The following CAMKMT variants were observed in gnomAD, a reference collection of about 807,000 sequenced individuals.
CAMKMT encodes the protein CaM KMT.
A neutral mutation model predicts 48.0 loss-of-function variants in CAMKMT; 53 were observed. That is an observed-to-expected ratio of 1.10 (90% CI 0.89 to 1.39). The LOEUF is 1.39. Among genes scored for constraint, CAMKMT ranks in the 40% most tolerant of loss-of-function variants. The pLI is 0.00. For synonymous variants in CAMKMT, 165 were observed against 152.3 expected, an observed-to-expected ratio of 1.08 and a Z score of -0.61; for missense variants, 428 against 402.7, an observed-to-expected ratio of 1.06 and a Z score of -0.54.
intron 3 of CAMKMT, among the ~76,000 whole-genome samples, chr2:44,553,227 T>A (rs1667817535): frequency 6.6e-6 from 1 of 152,208 alleles, no homozygotes; most frequent in African/African-American, 2.4e-5. Flanking sequence ...GAAGGCCACA[T>A]GTGTAGATAG....
chr2:44,390,122 A>G (rs928043922), intron 2 of CAMKMT, 119 bp from the exon 3 acceptor site: 13 of 673,194 alleles, frequency 1.9e-5, no homozygotes, highest in South Asian at 5.5e-5. Flanking sequence ...AAAATATAGC[A>G]TGGAATAATT....
intron 3 of CAMKMT, among the ~76,000 whole-genome samples, chr2:44,429,379 A>G (rs1684497039): frequency 6.6e-6 from 1 of 151,890 alleles, no homozygotes; most frequent in Admixed American, 6.6e-5. Flanking sequence ...TTATATTCCT[A>G]CTACTGTTTC....
chr2:44,596,728 C>A (rs1477355321), intron 3 of CAMKMT, among the ~76,000 whole-genome samples: 1 of 152,160 alleles, frequency 6.6e-6, no homozygotes, highest in Admixed American at 6.5e-5. Flanking sequence ...CTTGCATCAT[C>A]ACAGACCTAC....
chr2:44,691,967 C>T (rs1676679261), intron 3 of CAMKMT, among the ~76,000 whole-genome samples: 1 of 152,144 alleles, frequency 6.6e-6, no homozygotes, highest in African/African-American at 2.4e-5. Context: ...GAGGCCTGCA[C>T]TTAATCATAT....
intron 3 of CAMKMT, among the ~76,000 whole-genome samples, chr2:44,509,576 A>G (rs1670434876): frequency 6.6e-6 from 1 of 152,048 alleles, no homozygotes; most frequent in African/African-American, 2.4e-5. Flanking sequence ...CTCCTGAATA[A>G]AAGTTTTAAA....
intron 3 of CAMKMT, among the ~76,000 whole-genome samples, chr2:44,690,549 T>G (rs1419275791): frequency 1.3e-5 from 2 of 152,230 alleles, no homozygotes; most frequent in Non-Finnish European, 2.9e-5. Flanking sequence ...TATTTCACTG[T>G]GCCTTTTAGC....
At chr2:44,641,846 C>G (rs983222742) in intron 3 of CAMKMT, among the ~76,000 whole-genome samples, 5 of 152,202 alleles carry the variant, frequency 3.3e-5, no homozygotes, top group African/African-American at 4.8e-5. Flanking sequence ...GCGTGAGCCA[C>G]CACACCCAGC....
chr2:44,568,487 C>T (rs1668729340), intron 3 of CAMKMT, among the ~76,000 whole-genome samples: 1 of 152,210 alleles, frequency 6.6e-6, no homozygotes, highest in African/African-American at 2.4e-5. Context: ...AGGTCACCCA[C>T]AGCTCTGTGG....
chr2:44,680,844 G>A (rs2104174947), intron 3 of CAMKMT, among the ~76,000 whole-genome samples: 1 of 152,326 alleles, frequency 6.6e-6, no homozygotes, highest in African/African-American at 2.4e-5. Flanking sequence ...GAGAAAGAAA[G>A]AGAGAGGAGG....
chr2:44,537,730 A>AT (rs1232581680), intron 3 of CAMKMT, among the ~76,000 whole-genome samples: 3 of 152,094 alleles, frequency 2.0e-5, no homozygotes, highest in Admixed American at 2.0e-4. Context: ...CGGTCAGCTA[A>AT]TTTTTTATAT....
intron 3 of CAMKMT, among the ~76,000 whole-genome samples, chr2:44,693,155 G>T (rs948192677): frequency 6.6e-6 from 1 of 152,094 alleles, no homozygotes; most frequent in Admixed American, 6.6e-5. Flanking sequence ...ATTAGTAGTA[G>T]CCTCCTGCCT....
At chr2:44,763,388 C>T (rs1319273293) in intron 9 of CAMKMT, among the ~76,000 whole-genome samples, 1 of 152,166 alleles carries the variant, frequency 6.6e-6, no homozygotes, top group Non-Finnish European at 1.5e-5. Flanking sequence ...AGCAATAGAA[C>T]GTGGCTTTTG....
chr2:44,377,031 C>A (rs1166740080), intron 2 of CAMKMT, among the ~76,000 whole-genome samples: 1 of 151,910 alleles, frequency 6.6e-6, no homozygotes, highest in Non-Finnish European at 1.5e-5. Flanking sequence ...TTTTTTGAGA[C>A]GGTCTCACTC....
At chr2:44,717,886 C>T (rs968926401) in intron 7 of CAMKMT, among the ~76,000 whole-genome samples, 5 of 151,486 alleles carry the variant, frequency 3.3e-5, no homozygotes, top group African/African-American at 7.3e-5. Flanking sequence ...TTGACTGGCA[C>T]CCAAGCTCCT....
intron 2 of CAMKMT, among the ~76,000 whole-genome samples, chr2:44,374,778 G>A (rs1166366393): frequency 1.3e-5 from 2 of 151,882 alleles, no homozygotes; most frequent in Admixed American, 6.6e-5. Context: ...ACATTGAGTT[G>A]GAAAAAAGAC....
intron 7 of CAMKMT, among the ~76,000 whole-genome samples, chr2:44,722,176 C>CTTTTTTTTT (rs11323950): frequency 8.7e-5 from 10 of 115,456 alleles, no homozygotes; most frequent in South Asian, 2.8e-4. Flanking sequence ...TTTCTTTTTT[C>CTTTTTTTTT]TTTTTTTTTT....
chr2:44,372,596 A>G (rs1679288824), intron 1 of CAMKMT, 120 bp from the exon 2 acceptor site: 2 of 738,900 alleles, frequency 2.7e-6, no homozygotes, highest in Non-Finnish European at 2.2e-6. Context: ...TATCTGAATT[A>G]TCTAATCTGT....
chr2:44,377,802 A>T (rs786624), intron 2 of CAMKMT, among the ~76,000 whole-genome samples: 2 of 151,904 alleles, frequency 1.3e-5, no homozygotes, highest in South Asian at 2.1e-4. Flanking sequence ...GCATCTTTCT[A>T]TTATAACAAA....
intron 3 of CAMKMT, among the ~76,000 whole-genome samples, chr2:44,537,945 A>G (rs113382572): frequency 0.13 from 19,316 of 152,184 alleles, 1,626 homozygotes; most frequent in African/African-American, 0.22. Flanking sequence ...CAGCAGTCCC[A>G]CTACTGGGTA....
Sources: allele counts gnomAD v4.1 joint callset (sites outside exome capture counted in the v4.1 genomes callset), GRCh38; gene constraint gnomAD v4.1.1; transcripts MANE v1.5; gene names NCBI Gene and HGNC (gene_info 2026-07-23, HGNC 2026-07-21).